Variants in IGSF5 observed in about 807,000 individuals in gnomAD.
IGSF5 encodes the protein immunoglobulin superfamily 5 like.
Under a neutral mutation model 39.4 loss-of-function variants are expected in IGSF5, and 41 were observed. That is an observed-to-expected ratio of 1.04 (90% confidence interval 0.81 to 1.35). The LOEUF (loss-of-function observed/expected upper bound fraction) is 1.35. Ranked by LOEUF, IGSF5 falls within the 40% of genes most tolerant of loss-of-function variation. The pLI, the probability that IGSF5 is intolerant of heterozygous loss-of-function variation, is 0.00. For synonymous variants in IGSF5, 183 were observed against 175.3 expected (o/e 1.04, Z -0.34); for missense variants, 487 against 494.6 (o/e 0.98, Z 0.15).
chr21:39,775,511 CT>C (rs1403740636), intron 4 of IGSF5, among the ~76,000 whole-genome samples: 4 of 152,096 alleles, frequency 2.6e-5, no homozygotes. Flanking sequence ...AATTCTATAC[CT>C]TTTTAAAACT....
At chr21:39,726,037 G>C in the IGSF5 span, 1 of 152,190 alleles carries the variant, frequency 6.6e-6, no homozygotes, top group South Asian at 2.1e-4. Context: ...TGAAGTCTCT[G>C]TCTGCCCATC....
chr21:39,796,152 TG>T (rs1403386500), intron 8 of IGSF5, among the ~76,000 whole-genome samples: 2 of 152,140 alleles, frequency 1.3e-5, no homozygotes. Context: ...GTGGAAAGGC[TG>T]GGCCTGGGGA....
chr21:39,745,910 T>G (rs2079971807), intron 1 of IGSF5, among the ~76,000 whole-genome samples: 1 of 151,488 alleles, frequency 6.6e-6, no homozygotes, highest in African/African-American at 2.4e-5. Context: ...TGCCAAAATG[T>G]TACGGGGGGT....
rs201593108 is a variant in IGSF5 at position 39,779,275 on chromosome 21, C to T, written c.904C>T (p.Arg302Cys). ...RRCCGCNCCC[R>C]CCFCCRRKRG... ...TTGTTGTGGCTGCAACTGCTGCTGCCGTTGTTGTTTCTGCTGTAGAAGAAA... is the reference window on the plus strand; with the variant it reads ...TTGTTGTGGCTGCAACTGCTGCTGCTGTTGTTGTTTCTGCTGTAGAAGAAA... The change falls in exon 5 of 9, where the codon CGT becomes TGT. Residue 302 changes from arginine (R) to cysteine (C), a missense_variant. Coordinates refer to ENST00000380588, the MANE Select transcript of IGSF5 (RefSeq NM_001080444.2). 5.8e-5 allele frequency: 93 copies of T among 1,612,884 alleles called. No homozygotes were observed. In the East Asian group the frequency reaches 5.8e-4, roughly 10 times the overall value.
intron 8 of IGSF5, among the ~76,000 whole-genome samples, chr21:39,795,001 C>T (rs1411617420): frequency 6.6e-6 from 1 of 152,048 alleles, no homozygotes; most frequent in Admixed American, 6.5e-5. Flanking sequence ...TTGGGAAAAC[C>T]TAAGTGATAC....
intron 2 of IGSF5, among the ~76,000 whole-genome samples, chr21:39,760,831 A>C (rs143439750): frequency 1.3e-5 from 2 of 152,248 alleles, no homozygotes; most frequent in African/African-American, 4.8e-5. Context: ...CGGCCTACCA[A>C]AGTGCTGGGA....
chr21:39,712,064 G>A, the IGSF5 span, among the ~76,000 whole-genome samples: 22 of 152,100 alleles, frequency 1.4e-4, no homozygotes, highest in Non-Finnish European at 1.6e-4. Context: ...CATAAGTAGG[G>A]CAGCACTCCT....
intron 2 of IGSF5, among the ~76,000 whole-genome samples, chr21:39,759,141 C>T (rs1432747396): frequency 6.6e-6 from 1 of 152,098 alleles, no homozygotes; most frequent in Non-Finnish European, 1.5e-5. Flanking sequence ...ACAATGCTGG[C>T]CATGACAGTG....
chr21:39,761,287 A>G (rs2080060438), intron 2 of IGSF5, among the ~76,000 whole-genome samples: 1 of 152,258 alleles, frequency 6.6e-6, no homozygotes, highest in African/African-American at 2.4e-5. Flanking sequence ...GTAAAACTTC[A>G]AACTATGAAA....
At chr21:39,745,552 T>G (rs752380758) in intron 1 of IGSF5, 26 bp downstream of exon 1, 2 of 716,690 alleles carry the variant, frequency 2.8e-6, no homozygotes, top group South Asian at 3.0e-5. Context: ...TGGGCGACTG[T>G]TGAGTAGAGA....
intron 1 of IGSF5, 49 bp from the exon 2 acceptor site, chr21:39,746,167 C>T (rs539904210): frequency 1.5e-4 from 104 of 701,152 alleles, no homozygotes; most frequent in African/African-American, 3.8e-4. Flanking sequence ...GGAACAATGG[C>T]GAGCCTTTAG....
At chr21:39,783,664 T>C (rs2080182830) in intron 5 of IGSF5, among the ~76,000 whole-genome samples, 1 of 152,210 alleles carries the variant, frequency 6.6e-6, no homozygotes, top group Non-Finnish European at 1.5e-5. Flanking sequence ...CCTCCCATTC[T>C]GTAGGTTATA....
the IGSF5 span, among the ~76,000 whole-genome samples, chr21:39,723,482 C>A: frequency 1.3e-5 from 2 of 152,142 alleles, no homozygotes; most frequent in African/African-American, 4.8e-5. Flanking sequence ...TCAGAAGTCC[C>A]AGCCCCACTC....
At chr21:39,732,758 G>A in the IGSF5 span, among the ~76,000 whole-genome samples, 1 of 152,156 alleles carries the variant, frequency 6.6e-6, no homozygotes. Context: ...GGGAGTGGTG[G>A]CTCATACCTG....
At chr21:39,758,936 C>T (rs71316695) in intron 2 of IGSF5, among the ~76,000 whole-genome samples, 3,265 of 152,260 alleles carry the variant, frequency 0.021, 66 homozygotes, top group Non-Finnish European at 0.03. Flanking sequence ...TACAGCTGGA[C>T]GACTTTTCAC....
chr21:39,744,688 T>C (rs2146267210), upstream of IGSF5, among the ~76,000 whole-genome samples: 1 of 152,394 alleles, frequency 6.6e-6, no homozygotes, highest in African/African-American at 2.4e-5. Context: ...ATTACTTTTT[T>C]CTAACATAAT....
chr21:39,774,214 C>G (rs913615152), intron 4 of IGSF5, among the ~76,000 whole-genome samples: 18 of 152,194 alleles, frequency 1.2e-4, no homozygotes, highest in African/African-American at 4.3e-4. Context: ...AGCTGAAGAC[C>G]TCATTGCAGC....
chr21:39,743,482 G>A (rs2146266588), upstream of IGSF5, among the ~76,000 whole-genome samples: 1 of 152,320 alleles, frequency 6.6e-6, no homozygotes, highest in East Asian at 1.9e-4. Flanking sequence ...CATGCACTCT[G>A]GCTGGGCTGA....
the IGSF5 span, among the ~76,000 whole-genome samples, chr21:39,715,506 A>G: frequency 6.6e-6 from 1 of 152,188 alleles, no homozygotes; most frequent in African/African-American, 2.4e-5. Context: ...ATTCCAACTT[A>G]GTTTTAGTCC....
Sources: allele counts gnomAD v4.1 joint callset (sites outside exome capture counted in the v4.1 genomes callset), GRCh38; gene constraint gnomAD v4.1.1; transcripts MANE v1.5; gene names NCBI Gene and HGNC (gene_info 2026-07-23, HGNC 2026-07-21).